FGD5: variants seen among roughly 807,000 people sequenced by gnomAD.
The protein encoded by FGD5 is FYVE, RhoGEF and PH domain-containing protein 5.
FGD5 carries 28 observed loss-of-function variants against 133.4 expected under a neutral mutation model. That is an observed-to-expected ratio of 0.21 (90% CI 0.16 to 0.29). The LOEUF (loss-of-function observed/expected upper bound fraction) is 0.29, where lower values mean the gene tolerates loss of function less well. FGD5 is among the 10% of genes least tolerant of loss of function. The pLI is 1.00. For missense variants in FGD5, 1,858 were observed against 1,895.2 expected (o/e 0.98, Z 0.36); for synonymous variants, 810 against 776.5 (o/e 1.04, Z -0.72).
intron 10 of FGD5, among the ~76,000 whole-genome samples, chr3:14,909,074 T>G (rs1184243557): frequency 6.6e-6 from 1 of 151,848 alleles, no homozygotes; most frequent in East Asian, 2.0e-4. Flanking sequence ...GTTCAAGCAA[T>G]TCTCCTGCCT....
intron 1 of FGD5, among the ~76,000 whole-genome samples, chr3:14,841,751 A>C (rs953469142): frequency 2.0e-5 from 3 of 152,054 alleles, no homozygotes; most frequent in Non-Finnish European, 4.4e-5. Flanking sequence ...GGACAGTGTG[A>C]GTGGGGGGTT....
At chr3:14,831,631 A>T (rs988685912) in intron 1 of FGD5, among the ~76,000 whole-genome samples, 2 of 152,094 alleles carry the variant, frequency 1.3e-5, no homozygotes, top group African/African-American at 4.8e-5. Context: ...GGTAGGAGGG[A>T]ATAAGGTTGG....
chr3:14,858,786 G>A (rs572518483), intron 1 of FGD5, among the ~76,000 whole-genome samples: 3 of 152,314 alleles, frequency 2.0e-5, no homozygotes, highest in Admixed American at 6.5e-5. Context: ...CCCAAGGGAA[G>A]ACGTGGTTAC....
In FGD5 at chr3:14,922,350, T is replaced by A; in HGVS notation, c.3670-61T>A. 1 of 1,547,338 alleles carries A rather than the reference T, an allele frequency of 6.5e-7. No homozygotes were observed. The highest frequency in any genetic ancestry group is 1.4e-5 in the African/African-American group (1 of 73,112). On this transcript the variant is annotated intron_variant, in intron 14 of 19. Coordinates refer to ENST00000285046, the MANE Select transcript of FGD5 (RefSeq NM_152536.4). This position sits in a 1 kb window ranked among gnomAD's most constrained non-coding sequence, Gnocchi z 4.1. ...AGACGCAGGGCAGGGCTCACTGGGC[T>A]CTGCATCTGGCTGGTCTCCTGGCCA...
intron 1 of FGD5, among the ~76,000 whole-genome samples, chr3:14,854,791 T>A (rs1156584078): frequency 6.6e-6 from 1 of 152,210 alleles, no homozygotes; most frequent in Admixed American, 6.5e-5. Flanking sequence ...TTTTGATATA[T>A]GTAATTTATA....
intron 9 of FGD5, among the ~76,000 whole-genome samples, chr3:14,904,315 C>G (rs1233667731): frequency 6.6e-6 from 1 of 152,184 alleles, no homozygotes; most frequent in Non-Finnish European, 1.5e-5. Context: ...GGAGATTTGT[C>G]TCTTCTCCCT....
chr3:14,832,622 G>A (rs188210636), intron 1 of FGD5, among the ~76,000 whole-genome samples: 3 of 152,186 alleles, frequency 2.0e-5, no homozygotes, highest in South Asian at 2.1e-4. Context: ...TCAGAGTGGC[G>A]GCATGACTTT....
Position 14,907,664 on chromosome 3 carries a change from A to G in FGD5, c.3289A>G (p.Ile1097Val), listed in dbSNP as rs201558906. Residue 1097 changes from isoleucine (I) to valine (V), a missense_variant, in exon 10 of 20, where the codon ATT becomes GTT. By Grantham distance (29) the Ile-to-Val change is conservative. Around this residue, in one of 3 missense-constraint regions of FGD5, gnomAD observed 1,824 missense variants for 1,848.9 expected, o/e 0.99. Transcript: ENST00000285046. ...QGENLQKLVH[I>V]EHSVRGQGDL... ...GGAAAACCTGCAGAAGCTGGTCCAC[A>G]TTGAGCACAGCGTCCGGGGCCAAGG... 52 of 1,613,712 alleles carry G rather than the reference A, an allele frequency of 3.2e-5. 1 individual carries two copies. Among genetic ancestry groups the G allele is most frequent in the South Asian group, 3.0e-4 (27 of 91,050 alleles).
chr3:14,834,473 G>A (rs768016607), intron 1 of FGD5, among the ~76,000 whole-genome samples: 2 of 152,188 alleles, frequency 1.3e-5, no homozygotes, highest in Non-Finnish European at 1.5e-5. Flanking sequence ...CACTGGAGCC[G>A]TTATTACTAA....
Position 14,917,119 on chromosome 3 carries a change from G to A in FGD5, c.3406-130G>A. ...CTCACATTTTGGCCGCAACGTTTTT[G>A]CTCACCTGTGGGGGTTACTGAGGAA... On this transcript the variant is annotated intron_variant, in intron 11 of 19. Coordinates refer to ENST00000285046, the MANE Select transcript of FGD5 (RefSeq NM_152536.4). The surrounding 1 kb of genome is among the most constrained non-coding windows in gnomAD (Gnocchi z 4.1). 1.4e-6 allele frequency: 1 copy of A among 692,474 alleles called. No individual in the cohort carries two copies. The allele number at this position is 692,474 out of a possible 1,614,324, so 42.9% of individuals were successfully genotyped here.
Position 14,897,305 on chromosome 3 carries a change from T to A in FGD5, c.2749-204T>A, listed in dbSNP as rs2038156033. The A allele has an allele frequency of 4.8e-5, 28 of 588,566 alleles. 1 individual carries two copies. The South Asian group carries it at 6.1e-4, about 13-fold the overall frequency. 36.5% of individuals were successfully genotyped at this position (588,566 alleles called of 1,614,324 possible). On this transcript the variant is annotated intron_variant, in intron 4 of 19. Transcript: ENST00000285046. ...CGTTGGGTTGGGTGCTCTTTGGGTG[T>A]CAGCTCAGGCAGCCCTATGGTCGCC...
At chr3:14,891,088 C>G (rs763680536) in intron 4 of FGD5, among the ~76,000 whole-genome samples, 1 of 152,212 alleles carries the variant, frequency 6.6e-6, no homozygotes, top group Non-Finnish European at 1.5e-5. Flanking sequence ...GATCGTTGCC[C>G]TCATCAGTAT....
At chr3:14,889,987 GT>G (rs376465720) in intron 4 of FGD5, among the ~76,000 whole-genome samples, 3 of 151,884 alleles carry the variant, frequency 2.0e-5, no homozygotes, top group African/African-American at 4.8e-5. Context: ...TCCTTACCCA[GT>G]TTTTTTTAAC....
chr3:14,866,160 C>T (rs1040724290), intron 2 of FGD5, among the ~76,000 whole-genome samples: 39 of 152,144 alleles, frequency 2.6e-4, no homozygotes, highest in African/African-American at 8.7e-4. Flanking sequence ...TCTGGGACCC[C>T]CCACATCTCT....
chr3:14,917,559 T>C lies in FGD5; in HGVS notation c.3489+227T>C, dbSNP rs571489980. Among the ~76,000 whole-genome samples, 52 of 151,934 alleles carry C rather than the reference T, an allele frequency of 3.4e-4. No homozygotes were observed. Among genetic ancestry groups the C allele is most frequent in the Non-Finnish European group, 7.2e-4 (49 of 67,946 alleles). On this transcript the variant is annotated intron_variant, in intron 12 of 19. Transcript: ENST00000285046. The surrounding 1 kb of genome is among the most constrained non-coding windows in gnomAD (Gnocchi z 4.1). ...CTGAACCCTTAGAGTGGATAATATTTGGTCGGATCAGGAAGGAAGGGAAGG... is the reference window on the plus strand; with the variant it reads ...CTGAACCCTTAGAGTGGATAATATTCGGTCGGATCAGGAAGGAAGGGAAGG...
chr3:14,819,939 C>T lies in FGD5; in HGVS notation c.868C>T (p.Gln290Ter). The T allele has an allele frequency of 6.2e-7, 1 of 1,613,938 alleles. No individual in the cohort carries two copies. The highest frequency in any genetic ancestry group is 8.5e-7 in the Non-Finnish European group (1 of 1,179,878). ...GGCCACGGGTGTCACAGGTGGGGAA[C>T]AGGTTGACCTCAGTGAACCACCTGA... is the stretch of plus-strand genomic sequence containing the variant. ...EEATGVTGGE[Q>*]VDLSEPPDHE... Residue 290 changes from glutamine to a stop codon, truncating the protein, a stop_gained, in exon 1 of 20, where the codon CAG (glutamine) becomes TAG (stop). Transcript: ENST00000285046. LOFTEE classifies it high-confidence loss of function. The surrounding 1 kb of genome is among the most constrained non-coding windows in gnomAD (Gnocchi z 4.1).
chr3:14,889,737 C>A (rs1441994895), intron 4 of FGD5, among the ~76,000 whole-genome samples: 1 of 152,154 alleles, frequency 6.6e-6, no homozygotes, highest in Non-Finnish European at 1.5e-5. Flanking sequence ...TGTGGCCATT[C>A]TGCTGATTGT....
chr3:14,820,724 C>T lies in FGD5; in HGVS notation c.1653C>T (p.Phe551=). The change falls in exon 1 of 20, where the codon TTC becomes TTT. Residue 551 remains phenylalanine, a synonymous_variant. Transcript: ENST00000285046. ...CCTTTACTTTATACCCTCGGTCGTT[C>T]TCCGTGGAAGGCCGAGAGATTCCAG... is the stretch of plus-strand genomic sequence containing the variant. ...PRAFTLYPRS[F]SVEGREIPVS... The T allele has an allele frequency of 1.2e-6, 2 of 1,603,738 alleles. No individual in the cohort carries two copies. Among genetic ancestry groups the T allele is most frequent in the South Asian group, 1.1e-5 (1 of 89,242 alleles).
At chr3:14,932,999 A>G in intron 19 of FGD5, 132 bp from the exon 20 acceptor site, 5 of 1,155,746 alleles carry the variant, frequency 4.3e-6, no homozygotes, top group Non-Finnish European at 5.0e-6. Context: ...TGTTTGAGAA[A>G]CAAATACAAT....
Sources: gnomAD v4.1 joint callset for allele counts (sites outside exome capture counted in the v4.1 genomes callset) on GRCh38, gnomAD v4.1.1 for gene constraint, gnomAD v4.1.1 regional missense constraint, Gnocchi (gnomAD v3.1) non-coding constraint, MANE v1.5 for transcripts, NCBI Gene and HGNC (gene_info 2026-07-23, HGNC 2026-07-21) for gene names.